Variants in ARMC9 observed in about 807,000 individuals in gnomAD.
ARMC9 encodes the protein lisH domain-containing protein ARMC9.
In ARMC9, 94 loss-of-function variants were observed where a neutral mutation model predicts 107.0. That is an observed-to-expected ratio of 0.88 (90% confidence interval 0.74 to 1.04). The LOEUF is 1.04. Among genes scored for constraint, ARMC9 ranks in the 50% least tolerant of loss-of-function variants. The pLI is 0.00. For missense variants in ARMC9, 942 were observed against 1,030.1 expected (o/e 0.91, Z 1.17); for synonymous variants, 380 against 396.9 (o/e 0.96, Z 0.51).
intron 18 of ARMC9, among the ~76,000 whole-genome samples, chr2:231,292,048 G>C (rs907310057): frequency 1.3e-5 from 2 of 151,216 alleles, no homozygotes; most frequent in African/African-American, 4.9e-5. Flanking sequence ...CATGCCTGTA[G>C]TCCCAGCTAC....
chr2:231,291,228 C>G (rs775861197), intron 17 of ARMC9, 125 bp from the exon 18 acceptor site: 2 of 706,050 alleles, frequency 2.8e-6, no homozygotes, highest in Non-Finnish European at 2.5e-6. Context: ...CTCTGTCCCC[C>G]ACCCAAGGTA....
intron 7 of ARMC9, among the ~76,000 whole-genome samples, chr2:231,234,631 T>A (rs2035546282): frequency 6.6e-6 from 1 of 152,196 alleles, no homozygotes; most frequent in African/African-American, 2.4e-5. Context: ...AGTCTCACTC[T>A]GTTGCCCAGT....
chr2:231,313,814 G>A (rs1446860400), intron 19 of ARMC9, among the ~76,000 whole-genome samples: 4 of 151,790 alleles, frequency 2.6e-5, no homozygotes, highest in African/African-American at 9.7e-5. Context: ...GAGTGCAGGG[G>A]TGCAATCACG....
Position 231,328,814 on chromosome 2 carries a change from C to CTTTTTTTTTTT in ARMC9, c.1774-2975_1774-2974insTTTTTTTTTTT, listed in dbSNP as rs1341987081. 2.2e-3 allele frequency among the ~76,000 whole-genome samples: 284 copies of CTTTTTTTTTTT among 127,156 alleles called. 17 individuals are homozygous for CTTTTTTTTTTT. The highest frequency in any genetic ancestry group is 2.8e-3 in the Non-Finnish European group (163 of 58,806). 83.4% of individuals were successfully genotyped at this position (127,156 alleles called of 152,430 possible). A position where few individuals can be genotyped will look rare whatever the true frequency, so the allele number is the denominator to read the frequency against. On this transcript the variant is annotated intron_variant, in intron 19 of 24. Coordinates refer to ENST00000611582, the MANE Select transcript of ARMC9 (RefSeq NM_001352754.2). ...AGCGTGTTCAATTTTCTTTTCTTTTCTTTTCTTTTTTTTTTTTTGAGTCGG... is the reference window on the plus strand; with the variant it reads ...AGCGTGTTCAATTTTCTTTTCTTTTCTTTTTTTTTTTTTTTCTTTTTTTTTTTTTGAGTCGG...
intron 23 of ARMC9, among the ~76,000 whole-genome samples, chr2:231,363,910 A>AT (rs2045699500): frequency 6.7e-6 from 1 of 148,798 alleles, no homozygotes; most frequent in Non-Finnish European, 1.5e-5. Flanking sequence ...AAAAAAAAAA[A>AT]GCCCAGACCC....
At chr2:231,368,644 A>G (rs199542817) in intron 23 of ARMC9, among the ~76,000 whole-genome samples, 1 of 152,168 alleles carries the variant, frequency 6.6e-6, no homozygotes, top group East Asian at 1.9e-4. Context: ...TTATTTTTTG[A>G]GACAGGGTCA....
intron 21 of ARMC9, among the ~76,000 whole-genome samples, chr2:231,352,694 GATAGA>G (rs1433643250): frequency 5.3e-5 from 8 of 151,502 alleles, no homozygotes; most frequent in Non-Finnish European, 8.8e-5. Flanking sequence ...TAGATAGATA[GATAGA>G]TAGATAGATG....
chr2:231,337,476 T>TAGTAGAGACAGGGTTTCACCATG, intron 20 of ARMC9, among the ~76,000 whole-genome samples: 59 of 130,462 alleles, frequency 4.5e-4, no homozygotes, highest in Non-Finnish European at 6.2e-4. Flanking sequence ...TTTGTTTTTT[T>TAGTAGAGACAGGGTTTCACCATG]TTTTTTTTTT....
intron 1 of ARMC9, among the ~76,000 whole-genome samples, chr2:231,205,139 G>A (rs984315904): frequency 5.3e-5 from 8 of 151,958 alleles, no homozygotes; most frequent in Non-Finnish European, 8.8e-5. Context: ...AGGCCAAGGC[G>A]GGAGGATTGC....
chr2:231,240,079 A>G (rs781694739), intron 9 of ARMC9, 38 bp downstream of exon 9: 17 of 1,498,442 alleles, frequency 1.1e-5, no homozygotes, highest in Admixed American at 3.6e-5. Flanking sequence ...CCCGTGGTCT[A>G]TCCCCCCAAA....
At chr2:231,212,049 G>A (rs1208517006) in intron 3 of ARMC9, among the ~76,000 whole-genome samples, 2 of 152,148 alleles carry the variant, frequency 1.3e-5, no homozygotes, top group African/African-American at 4.8e-5. Context: ...TAGAACTGAG[G>A]TTCAGCAAAA....
chr2:231,239,954 G>A lies in ARMC9; in HGVS notation c.792G>A (p.Glu264=). The change falls in exon 9 of 25, where the codon GAG becomes GAA. Residue 264 remains glutamate (E), a synonymous_variant. Transcript: ENST00000611582. ...TATCCTCCTTGCAGATCACCCCTGA[G>A]TACCTCCAGAGCGTCTGTGTCCGCC... ...ATVSGKMITP[E]YLQSVCVRLF... 6.2e-7 allele frequency: 1 copy of A among 1,614,000 alleles called. No homozygotes were observed. Among genetic ancestry groups the A allele is most frequent in the Non-Finnish European group, 8.5e-7 (1 of 1,179,938 alleles).
At chr2:231,306,560 T>C (rs2042046180) in intron 19 of ARMC9, among the ~76,000 whole-genome samples, 1 of 152,140 alleles carries the variant, frequency 6.6e-6, no homozygotes, top group Non-Finnish European at 1.5e-5. Flanking sequence ...GGAATTGTAA[T>C]GAAACACAGC....
At chr2:231,354,263 T>TAAAAAA (rs759691541) in intron 21 of ARMC9, among the ~76,000 whole-genome samples, 4,441 of 100,166 alleles carry the variant, frequency 0.044, 510 homozygotes, top group African/African-American at 0.2. Flanking sequence ...CATCTCCATT[T>TAAAAAA]AAAAAAAAAA....
intron 16 of ARMC9, among the ~76,000 whole-genome samples, chr2:231,279,296 A>G (rs565186536): frequency 6.6e-6 from 1 of 152,290 alleles, no homozygotes; most frequent in South Asian, 2.1e-4. Flanking sequence ...TGTATGGGTA[A>G]ACAAATTAAC....
At chr2:231,207,441 T>C (rs1260633096) in intron 2 of ARMC9, among the ~76,000 whole-genome samples, 1 of 152,128 alleles carries the variant, frequency 6.6e-6, no homozygotes, top group Non-Finnish European at 1.5e-5. Flanking sequence ...ATTACAGGCA[T>C]GAGCCATGCC....
At chr2:231,283,263 A>T (rs2040349709) in intron 17 of ARMC9, among the ~76,000 whole-genome samples, 1 of 152,206 alleles carries the variant, frequency 6.6e-6, no homozygotes, top group Non-Finnish European at 1.5e-5. Flanking sequence ...ATGTGAGCAA[A>T]TGGGGCGGAA....
At chr2:231,217,664 C>G (rs2033665325) in intron 5 of ARMC9, among the ~76,000 whole-genome samples, 1 of 151,900 alleles carries the variant, frequency 6.6e-6, no homozygotes, top group African/African-American at 2.4e-5. Flanking sequence ...TTGACTTTTT[C>G]AGGATGTATA....
rs1220581324 is a variant in ARMC9 at position 231,360,752 on chromosome 2, A to T, written c.2132-2A>T. The T allele has an allele frequency of 2.0e-6, 3 of 1,536,028 alleles. No homozygotes were observed. Among genetic ancestry groups the T allele is most frequent in the Non-Finnish European group, 2.6e-6 (3 of 1,146,910 alleles). On this transcript the variant is annotated splice_acceptor_variant, in intron 22 of 24. Coordinates refer to ENST00000611582, the MANE Select transcript of ARMC9 (RefSeq NM_001352754.2). LOFTEE classifies it high-confidence loss of function. The surrounding 1 kb of genome is among the most constrained non-coding windows in gnomAD (Gnocchi z 4.7). ...GACTGAACTTTCTCTCCTCCTCCCC[A>T]GCAGCCATCATCGCCAAGCCAGGAG...
Sources: allele counts gnomAD v4.1 joint callset (sites outside exome capture counted in the v4.1 genomes callset), GRCh38; gene constraint gnomAD v4.1.1; non-coding constraint Gnocchi (gnomAD v3.1); transcripts MANE v1.5; gene names NCBI Gene and HGNC (gene_info 2026-07-23, HGNC 2026-07-21).